PTPRN2: variants seen among roughly 807,000 people sequenced by gnomAD.
PTPRN2 encodes receptor-type tyrosine-protein phosphatase N2.
PTPRN2 carries 74 observed loss-of-function variants against 118.8 expected under a neutral mutation model. The observed-to-expected ratio is 0.62, with a 90% CI of 0.52 to 0.76. The LOEUF is 0.76. PTPRN2 is among the 30% of genes least tolerant of loss of function. The probability of loss-of-function intolerance (pLI) is 0.00; values close to 1 mark genes in which losing one functional copy is unlikely to be tolerated. For missense variants in PTPRN2, 1,481 were observed against 1,394.4 expected (o/e 1.06, Z -0.99); for synonymous variants, 641 against 608.0 (o/e 1.05, Z -0.80).
intron 12 of PTPRN2, among the ~76,000 whole-genome samples, chr7:157,788,198 A>G (rs13231482): frequency 0.33 from 49,719 of 151,642 alleles, 10,859 homozygotes; most frequent in African/African-American, 0.63. Flanking sequence ...ACATGGTGAA[A>G]CTCCGTCTCT....
In PTPRN2 at chr7:158,099,009, A is replaced by ATCCCGGCTGCCTCCCCTTCCTCCCCC. The variant is rs1563432623; in HGVS notation, c.1643+11819_1643+11820insGGGGGAGGAAGGGGAGGCAGCCGGGA. ...CCGGCTGCCTCCCCTTCCTCCCCCA[A>ATCCCGGCTGCCTCCCCTTCCTCCCCC]CACATCCCGGCTGCCTCCCCTTCCT... On this transcript the variant is annotated intron_variant, in intron 10 of 22. Transcript: ENST00000389418. Among the ~76,000 whole-genome samples the ATCCCGGCTGCCTCCCCTTCCTCCCCC allele has an allele frequency of 3.8e-3, 67 of 17,834 alleles. 4 individuals are homozygous for ATCCCGGCTGCCTCCCCTTCCTCCCCC. The East Asian group carries it at 0.061, about 16-fold the overall frequency. The allele number at this position is 17,834 out of a possible 152,430, so 11.7% of individuals were successfully genotyped here.
intron 11 of PTPRN2, among the ~76,000 whole-genome samples, chr7:157,982,379 AG>A (rs1803322429): frequency 7.5e-6 from 1 of 132,458 alleles, no homozygotes; most frequent in African/African-American, 2.9e-5. Context: ...AGAGACGAGG[AG>A]GGGAATGCAG....
chr7:158,003,772 CT>C lies in PTPRN2; in HGVS notation c.1723+77525del, dbSNP rs1182654647. ...GGTGGTGGCGAGCTTCTCACATGGG[CT>C]TGGCGGCACCTCCCAACACGCCAAG... On this transcript the variant is annotated intron_variant, in intron 11 of 22. Transcript: ENST00000389418. The surrounding 1 kb of genome is among the most constrained non-coding windows in gnomAD (Gnocchi z 5.0). 6.6e-6 allele frequency among the ~76,000 whole-genome samples: 1 copy of C among 152,130 alleles called. No homozygotes were observed. The highest frequency in any genetic ancestry group is 2.4e-5 in the African/African-American group (1 of 41,430).
Position 157,964,336 on chromosome 7 carries a change from C to T in PTPRN2, c.1724-65599G>A, listed in dbSNP as rs1005640166. ...GAGATGTGGAAGCTGGACCCCACCCCCCAGGCTAATTCATCAGCAAGATGT... is the reference window on the plus strand; with the variant it reads ...GAGATGTGGAAGCTGGACCCCACCCTCCAGGCTAATTCATCAGCAAGATGT... On this transcript the variant is annotated intron_variant, in intron 11 of 22. Transcript: ENST00000389418. This position sits in a 1 kb window ranked among gnomAD's most constrained non-coding sequence, Gnocchi z 9.0. Among the ~76,000 whole-genome samples, 4 of 152,108 alleles carry T rather than the reference C, an allele frequency of 2.6e-5. No individual in the cohort carries two copies. Among genetic ancestry groups the T allele is most frequent in the African/African-American group, 9.7e-5 (4 of 41,426 alleles).
In PTPRN2 at chr7:157,858,111, CT is replaced by C. The variant is rs1563179027; in HGVS notation, c.1788+40561del. Among the ~76,000 whole-genome samples, 640 of 89,648 alleles carry C rather than the reference CT, an allele frequency of 7.1e-3. 5 individuals are homozygous for C. The highest frequency in any genetic ancestry group is 1.0e-2 in the African/African-American group (220 of 22,048). 58.8% of individuals were successfully genotyped at this position (89,648 alleles called of 152,430 possible). ...CCACCCACACTCCTGCAGGGAGAGC[CT>C]CCCAGCCACCACCCACACTCCTGCA... On this transcript the variant is annotated intron_variant, in intron 12 of 22. Coordinates refer to ENST00000389418, the MANE Select transcript of PTPRN2 (RefSeq NM_002847.5).
At chr7:157,680,989 A>G (rs1796889698) in intron 13 of PTPRN2, among the ~76,000 whole-genome samples, 1 of 152,180 alleles carries the variant, frequency 6.6e-6, no homozygotes, top group Non-Finnish European at 1.5e-5. Context: ...TTCCTGCTGG[A>G]AGGGCATGAT....
At position 158,499,807 on chromosome 7, in the gene PTPRN2, G is replaced by GTGTGTA. The variant is rs763360985; in HGVS notation, c.113-10023_113-10022insTACACA. Among the ~76,000 whole-genome samples, 268 of 148,966 alleles carry GTGTGTA rather than the reference G, an allele frequency of 1.8e-3. 4 individuals are homozygous for GTGTGTA. Among genetic ancestry groups the GTGTGTA allele is most frequent in the African/African-American group, 6.5e-3 (261 of 40,294 alleles). Reference sequence around the variant, plus strand: ...TGTATGTGTGTGTGTGTGTGTGTGTGTATATATATATATACACACACCCTC... The same window carrying GTGTGTA: ...TGTATGTGTGTGTGTGTGTGTGTGTGTGTGTATATATATATATATACACACACCCTC... On this transcript the variant is annotated intron_variant, in intron 1 of 22. Transcript: ENST00000389418.
intron 11 of PTPRN2, among the ~76,000 whole-genome samples, chr7:158,014,367 C>T (rs895422057): frequency 6.6e-6 from 1 of 151,260 alleles, no homozygotes; most frequent in Non-Finnish European, 1.5e-5. Flanking sequence ...ACCCATACAT[C>T]CATCACTTTA....
chr7:158,319,303 T>TTTA (rs5888745), intron 2 of PTPRN2, among the ~76,000 whole-genome samples: 140,553 of 151,962 alleles, frequency 0.92, 65,212 homozygotes, highest in Non-Finnish European at 0.96. Flanking sequence ...GTTAATAGAC[T>TTTA]TTATTTTTAG....
chr7:157,695,046 C>T (rs1255734577), intron 12 of PTPRN2, among the ~76,000 whole-genome samples: 2 of 152,006 alleles, frequency 1.3e-5, no homozygotes, highest in South Asian at 2.1e-4. Flanking sequence ...TTTGTTGATC[C>T]TGCCAATACT....
intron 6 of PTPRN2, among the ~76,000 whole-genome samples, chr7:158,139,760 C>A (rs1184303248): frequency 6.6e-6 from 1 of 152,152 alleles, no homozygotes; most frequent in African/African-American, 2.4e-5. Context: ...GCCAGACACC[C>A]TGCATGTCCT....
chr7:158,171,215 A>G (rs1361327145), intron 5 of PTPRN2, among the ~76,000 whole-genome samples: 1 of 139,636 alleles, frequency 7.2e-6, no homozygotes, highest in Non-Finnish European at 1.5e-5. Context: ...CTATATATAC[A>G]CACATATATA....
At chr7:158,505,483 C>G (rs988092886) in intron 1 of PTPRN2, among the ~76,000 whole-genome samples, 17 of 152,320 alleles carry the variant, frequency 1.1e-4, no homozygotes, top group South Asian at 1.0e-3. Flanking sequence ...GTCCAAGTCC[C>G]CCGTTCACTA....
rs1284784416 is a variant in PTPRN2 at position 158,095,290 on chromosome 7, CA to C, written c.1644-13914del. Among the ~76,000 whole-genome samples, 3 of 150,794 alleles carry C rather than the reference CA, an allele frequency of 2.0e-5. No individual in the cohort carries two copies. The Admixed American group carries it at 2.0e-4, about 10-fold the overall frequency. On this transcript the variant is annotated intron_variant, in intron 10 of 22. Coordinates refer to ENST00000389418, the MANE Select transcript of PTPRN2 (RefSeq NM_002847.5). ...GGTATCTAGTATTGACGGTGTAGGT[CA>C]TAAGTAAAATGCATATTTTACCACA...
rs141447893 is a variant in PTPRN2 at position 158,133,275 on chromosome 7, G to A, written c.1556+402C>T. 7.4e-3 allele frequency among the ~76,000 whole-genome samples: 1,126 copies of A among 152,304 alleles called. 7 individuals carry two copies. The highest frequency in any genetic ancestry group is 0.013 in the African/African-American group (539 of 41,566). Reference sequence around the variant, plus strand: ...GCCGCGTCCCATCCCGCATTCCCGCGCGGGCCGTGCTCAGGCTTTGCTGTA... The same window carrying A: ...GCCGCGTCCCATCCCGCATTCCCGCACGGGCCGTGCTCAGGCTTTGCTGTA... On this transcript the variant is annotated intron_variant, in intron 9 of 22. Transcript: ENST00000389418.
intron 3 of PTPRN2, among the ~76,000 whole-genome samples, chr7:158,246,908 A>G (rs1476742011): frequency 1.3e-5 from 2 of 152,166 alleles, no homozygotes; most frequent in East Asian, 1.9e-4. Context: ...GAGGGGCTAC[A>G]CCAGGAATGC....
In PTPRN2 at chr7:158,316,045, C is replaced by T. The variant is rs191664559; in HGVS notation, c.277+774G>A. On this transcript the variant is annotated intron_variant, in intron 3 of 22. Transcript: ENST00000389418. ...CACCCTTGAGTCCCCAGTCAGCCACCACAAAGACCATCCCTGAGTCCCCAA... is the reference window on the plus strand; with the variant it reads ...CACCCTTGAGTCCCCAGTCAGCCACTACAAAGACCATCCCTGAGTCCCCAA... 7.9e-4 allele frequency among the ~76,000 whole-genome samples: 121 copies of T among 152,314 alleles called. 1 individual carries two copies. Among genetic ancestry groups the T allele is most frequent in the African/African-American group, 2.9e-3 (119 of 41,570 alleles).
intron 11 of PTPRN2, among the ~76,000 whole-genome samples, chr7:158,077,687 A>G (rs1211613409): frequency 6.6e-6 from 1 of 152,198 alleles, no homozygotes; most frequent in Non-Finnish European, 1.5e-5. Context: ...GATTCCTGGC[A>G]ATAAGCTCAT....
chr7:158,160,721 G>A (rs1339602592), intron 6 of PTPRN2, among the ~76,000 whole-genome samples: 3 of 152,104 alleles, frequency 2.0e-5, no homozygotes, highest in African/African-American at 7.2e-5. Flanking sequence ...ACCAAGCAGA[G>A]GGACATGCTT....
Sources: allele counts gnomAD v4.1 joint callset (sites outside exome capture counted in the v4.1 genomes callset), GRCh38; gene constraint gnomAD v4.1.1; non-coding constraint Gnocchi (gnomAD v3.1); transcripts MANE v1.5; gene names NCBI Gene and HGNC (gene_info 2026-07-23, HGNC 2026-07-21).